The following NRXN1 variants were observed in gnomAD, a reference collection of about 807,000 sequenced individuals.
The protein encoded by NRXN1 is neurexin 1, also known as neurexin-1.
A neutral mutation model predicts 150.9 loss-of-function variants in NRXN1; 39 were observed. The observed-to-expected ratio is 0.26, with a 90% CI of 0.20 to 0.34. NRXN1 has a LOEUF of 0.34. Among genes scored for constraint, NRXN1 ranks in the 10% least tolerant of loss-of-function variants. The pLI is 1.00. For missense variants in NRXN1, 1,815 were observed against 1,949.9 expected (o/e 0.93, Z 1.30); for synonymous variants, 924 against 757.0 (o/e 1.22, Z -3.62).
chr2:50,634,136 G>A (rs562931561), intron 5 of NRXN1, among the ~76,000 whole-genome samples: 1 of 152,310 alleles, frequency 6.6e-6, no homozygotes, highest in East Asian at 1.9e-4. Context: ...CAAACTCTTT[G>A]ATTTTATTCG....
chr2:50,533,304 T>A (rs538156376), intron 10 of NRXN1, among the ~76,000 whole-genome samples: 8 of 152,312 alleles, frequency 5.3e-5, no homozygotes, highest in African/African-American at 1.9e-4. Context: ...CTATTGGAAA[T>A]TTTCAATTGG....
intron 18 of NRXN1, among the ~76,000 whole-genome samples, chr2:50,169,210 C>T (rs896821859): frequency 1.3e-5 from 2 of 152,080 alleles, no homozygotes; most frequent in African/African-American, 4.8e-5. Context: ...GAAAGCCGTA[C>T]AGAAAGCAGT....
At chr2:50,769,179 C>T (rs1416622460) in intron 5 of NRXN1, among the ~76,000 whole-genome samples, 17 of 152,014 alleles carry the variant, frequency 1.1e-4, no homozygotes, top group Admixed American at 1.1e-3. Flanking sequence ...CTTTGTCCTC[C>T]CTACCACTCA....
At chr2:49,968,617 G>A (rs543638803) in intron 21 of NRXN1, among the ~76,000 whole-genome samples, 48 of 152,090 alleles carry the variant, frequency 3.2e-4, no homozygotes, top group Admixed American at 1.2e-3. Flanking sequence ...ACCTGATTTT[G>A]TGTTACCTTT....
At position 50,203,184 on chromosome 2, in the gene NRXN1, G is replaced by A. The variant is rs946058771; in HGVS notation, c.3546+33605C>T. Among the ~76,000 whole-genome samples, 4 of 152,136 alleles carry A rather than the reference G, an allele frequency of 2.6e-5. No individual in the cohort carries two copies. In the East Asian group the frequency reaches 7.7e-4, roughly 29 times the overall value. On this transcript the variant is annotated intron_variant, in intron 18 of 22. Transcript: ENST00000401669. ...TCATAATTCAGTTCTTGGGGTCAAAGATTGAAAACTCAGTATCTTTTTAGC... is the reference window on the plus strand; with the variant it reads ...TCATAATTCAGTTCTTGGGGTCAAAAATTGAAAACTCAGTATCTTTTTAGC...
At chr2:50,514,711 AC>A (rs1454198575) in intron 12 of NRXN1, among the ~76,000 whole-genome samples, 2 of 152,212 alleles carry the variant, frequency 1.3e-5, no homozygotes, top group African/African-American at 4.8e-5. Flanking sequence ...CTTCATTAAA[AC>A]AGGGAGCTAG....
chr2:50,656,559 A>G (rs748081328), intron 5 of NRXN1: 2 of 575,716 alleles, frequency 3.5e-6, no homozygotes, highest in East Asian at 5.7e-5. Context: ...TATACAAAAG[A>G]ATGGTTAAAT....
At position 50,786,528 on chromosome 2, in the gene NRXN1, T is replaced by C. The variant is rs373966265; in HGVS notation, c.832+135341A>G. On this transcript the variant is annotated intron_variant, in intron 5 of 22. Coordinates refer to ENST00000401669, the MANE Select transcript of NRXN1 (RefSeq NM_001330078.2). ...GAAGACTAATGATCCTTTCTTTATC[T>C]CTAAGCCATTATAGCGCCATCAAGT... 5.3e-5 allele frequency among the ~76,000 whole-genome samples: 8 copies of C among 152,104 alleles called. No individual in the cohort carries two copies. In the Admixed American group the frequency reaches 5.3e-4, roughly 10 times the overall value.
chr2:50,266,005 T>TA (rs1231796179), intron 17 of NRXN1, among the ~76,000 whole-genome samples: 9 of 76,696 alleles, frequency 1.2e-4, no homozygotes, highest in East Asian at 8.1e-4. Flanking sequence ...ATTATTTATT[T>TA]TTTTTTTTTT....
intron 15 of NRXN1, among the ~76,000 whole-genome samples, chr2:50,488,101 C>G (rs998744457): frequency 2.6e-5 from 4 of 152,184 alleles, no homozygotes; most frequent in African/African-American, 9.6e-5. Flanking sequence ...ATCCTCACCC[C>G]CTACTCCAGA....
At chr2:50,175,679 G>T (rs10175454) in intron 18 of NRXN1, among the ~76,000 whole-genome samples, 2,171 of 151,858 alleles carry the variant, frequency 0.014, 60 homozygotes, top group African/African-American at 0.049. Context: ...TTACAACAAA[G>T]AAAAACTGCT....
At chr2:50,700,716 AT>A (rs11358437) in intron 5 of NRXN1, among the ~76,000 whole-genome samples, 125,466 of 152,046 alleles carry the variant, frequency 0.83, 52,477 homozygotes, top group African/African-American at 0.95. Flanking sequence ...ATATTTATTG[AT>A]TTGCTCATTC....
intron 22 of NRXN1, among the ~76,000 whole-genome samples, chr2:49,925,458 A>G (rs1209466301): frequency 6.6e-6 from 1 of 152,134 alleles, no homozygotes; most frequent in Non-Finnish European, 1.5e-5. Context: ...ATGAAATTTT[A>G]TATTAATGTA....
At chr2:51,029,578 A>G (rs1209617680) in intron 1 of NRXN1, among the ~76,000 whole-genome samples, 3 of 152,250 alleles carry the variant, frequency 2.0e-5, no homozygotes, top group East Asian at 1.9e-4. Flanking sequence ...CAGTAAAAAT[A>G]CAACCTATTC....
intron 19 of NRXN1, among the ~76,000 whole-genome samples, chr2:50,079,160 T>C (rs762370621): frequency 6.6e-6 from 1 of 152,090 alleles, no homozygotes; most frequent in Non-Finnish European, 1.5e-5. Flanking sequence ...ACTCTTTTGG[T>C]TATAATCAAA....
chr2:50,956,854 G>C (rs1250264741), intron 2 of NRXN1, among the ~76,000 whole-genome samples: 1 of 152,058 alleles, frequency 6.6e-6, no homozygotes. Context: ...AACTCAATGA[G>C]GAGGTAATAT....
intron 5 of NRXN1, among the ~76,000 whole-genome samples, chr2:50,770,742 G>C (rs1400811828): frequency 6.6e-6 from 1 of 151,766 alleles, no homozygotes; most frequent in Admixed American, 6.6e-5. Flanking sequence ...ATTCTTCATA[G>C]ATAAATGCTC....
rs368430237 is a variant in NRXN1, at chr2:50,275,466, G to C, written c.3365-38496C>G. On this transcript the variant is annotated intron_variant, in intron 17 of 22. Transcript: ENST00000401669. ...TGAAATCTAAATGCAATATTTTTTA[G>C]AACTCTTGTTTTTAAATATTTAAAG... 8.6e-4 allele frequency among the ~76,000 whole-genome samples: 130 copies of C among 151,626 alleles called. 1 individual carries two copies. The highest frequency in any genetic ancestry group is 3.0e-3 in the African/African-American group (124 of 41,332).
At chr2:49,946,496 A>G (rs1344191537) in intron 21 of NRXN1, among the ~76,000 whole-genome samples, 1 of 152,096 alleles carries the variant, frequency 6.6e-6, no homozygotes, top group East Asian at 1.9e-4. Flanking sequence ...GTTTTCTTCT[A>G]GGGTTTTTTA....
Sources: gnomAD v4.1 joint callset for allele counts (sites outside exome capture counted in the v4.1 genomes callset) on GRCh38, gnomAD v4.1.1 for gene constraint, MANE v1.5 for transcripts, NCBI Gene and HGNC (gene_info 2026-07-23, HGNC 2026-07-21) for gene names.